Variants in FCF1 observed in about 807,000 individuals in gnomAD.
FCF1 encodes the protein rRNA-processing protein FCF1 homolog.
Under a neutral mutation model 32.5 loss-of-function variants are expected in FCF1, and 17 were observed. The observed-to-expected ratio is 0.52, with a 90% CI of 0.36 to 0.78. The LOEUF (loss-of-function observed/expected upper bound fraction) is 0.78, where lower values mean the gene tolerates loss of function less well. Ranked by LOEUF, FCF1 falls within the 30% of genes least tolerant of loss-of-function variation. The probability of loss-of-function intolerance (pLI) is 0.00; values close to 1 mark genes in which losing one functional copy is unlikely to be tolerated. For missense variants in FCF1, 201 were observed against 241.1 expected, an observed-to-expected ratio of 0.83 and a Z score of 1.10; for synonymous variants, 84 against 78.4, an observed-to-expected ratio of 1.07 and a Z score of -0.38.
At chr14:74,713,368 GA>G in intron 1 of FCF1, 116 bp from the exon 2 acceptor site, 1 of 1,549,396 alleles carries the variant, frequency 6.5e-7, no homozygotes, top group Non-Finnish European at 8.8e-7. Context: ...ACAGAGTGGG[GA>G]AGAGGGTCTG....
rs1428179327 is a variant in FCF1, at chr14:74,719,272, G to A, written c.292+3173G>A. On this transcript the variant is annotated intron_variant, in intron 4 of 7. Transcript: ENST00000341162. ...ATTATGCCACTACACTCCAGCCCAGGCAACAGAGCAAGACCCTGTCTTTAA... is the reference window on the plus strand; with the variant it reads ...ATTATGCCACTACACTCCAGCCCAGACAACAGAGCAAGACCCTGTCTTTAA... 5.3e-5 allele frequency among the ~76,000 whole-genome samples: 8 copies of A among 150,840 alleles called. No homozygotes were observed. In the East Asian group the frequency reaches 1.4e-3, roughly 26 times the overall value.
At position 74,734,941 on chromosome 14, in the gene FCF1, A is replaced by G; in HGVS notation, c.*11A>G. 3 of 1,610,998 alleles carry G rather than the reference A, an allele frequency of 1.9e-6. No homozygotes were observed. The highest frequency in any genetic ancestry group is 2.5e-6 in the Non-Finnish European group (3 of 1,177,250). ...GCCCCTCGATTCTAATTCTTACAAGACACAGTTCCTCTGCCTTTCTTCGAC... is the reference window on the plus strand; with the variant it reads ...GCCCCTCGATTCTAATTCTTACAAGGCACAGTTCCTCTGCCTTTCTTCGAC... On this transcript the variant is annotated 3_prime_UTR_variant, in exon 8 of 8. Transcript: ENST00000341162.
chr14:74,734,279 A>G (rs2090677456), intron 7 of FCF1, 109 bp downstream of exon 7: 2 of 641,908 alleles, frequency 3.1e-6, no homozygotes, highest in Non-Finnish European at 5.4e-6. Flanking sequence ...ATTGTATCAA[A>G]TGTTTACATA....
In FCF1 at chr14:74,735,342, G is replaced by A. The variant is rs1353411095; in HGVS notation, c.*412G>A. On this transcript the variant is annotated 3_prime_UTR_variant, in exon 8 of 8. Transcript: ENST00000341162. ...CAGGGTATTTACAATGCCTGGGAAA[G>A]GAGGAGAGATAAGGCTCACTAGCCA... 2 of 153,892 alleles carry A rather than the reference G, an allele frequency of 1.3e-5. No homozygotes were observed. The highest frequency in any genetic ancestry group is 2.9e-5 in the Non-Finnish European group (2 of 69,262). The allele number at this position is 153,892 out of a possible 1,614,324, so 9.5% of individuals were successfully genotyped here. A position where few individuals can be genotyped will look rare whatever the true frequency, so the allele number is the denominator to read the frequency against.
rs148543389 is a variant in FCF1, at chr14:74,718,238, G to T, written c.292+2139G>T. ...GAAAAGGCCTGTTTGATCTTTACAT[G>T]GTTCCTGGTCTCTTCTATTTCCACT... On this transcript the variant is annotated intron_variant, in intron 4 of 7. Coordinates refer to ENST00000341162, the MANE Select transcript of FCF1 (RefSeq NM_015962.5). Among the ~76,000 whole-genome samples, 597 of 152,236 alleles carry T rather than the reference G, an allele frequency of 3.9e-3. 1 individual carries two copies. Among genetic ancestry groups the T allele is most frequent in the African/African-American group, 6.1e-3 (252 of 41,546 alleles).
chr14:74,723,417 T>C, intron 5 of FCF1, 73 bp downstream of exon 5: 2 of 1,128,788 alleles, frequency 1.8e-6, no homozygotes, highest in East Asian at 2.5e-5. Flanking sequence ...TTTAAAGATT[T>C]CTTGGCCAGT....
intron 5 of FCF1, among the ~76,000 whole-genome samples, chr14:74,723,891 C>T (rs1226514005): frequency 6.6e-6 from 1 of 150,530 alleles, no homozygotes; most frequent in African/African-American, 2.4e-5. Flanking sequence ...TTGTGTATAG[C>T]AAAAGATATC....
chr14:74,734,531 A>AT (rs2090680367), intron 7 of FCF1, among the ~76,000 whole-genome samples: 1 of 151,858 alleles, frequency 6.6e-6, no homozygotes. Flanking sequence ...AAAAAAAAAA[A>AT]AGCTGTTATC....
chr14:74,725,480 CAAAAAAAAAAAAAAAAAAA>C (rs35508938), intron 5 of FCF1, among the ~76,000 whole-genome samples: 3 of 39,968 alleles, frequency 7.5e-5, no homozygotes, highest in African/African-American at 3.4e-4. Context: ...ACCCTGTCTC[CAAAAAAAAAAAAAAAAAAA>C]AAAAAAAAAA....
chr14:74,734,002 G>A (rs543972394), intron 6 of FCF1, 74 bp from the exon 7 acceptor site: 15 of 967,814 alleles, frequency 1.5e-5, no homozygotes, highest in African/African-American at 4.8e-5. Context: ...CTGGTCAGTC[G>A]TTGTGCCATT....
intron 6 of FCF1, among the ~76,000 whole-genome samples, chr14:74,733,340 A>G (rs1015681417): frequency 8.7e-5 from 13 of 149,314 alleles, no homozygotes; most frequent in African/African-American, 2.9e-4. Context: ...GTGCTTTTAT[A>G]AGGGCCTCTC....
chr14:74,733,033 C>T (rs1027177059), intron 6 of FCF1, among the ~76,000 whole-genome samples: 2 of 152,120 alleles, frequency 1.3e-5, no homozygotes, highest in African/African-American at 2.4e-5. Flanking sequence ...ATGGAAAGAG[C>T]ACAGGCTTGG....
At chr14:74,731,867 T>C (rs760379942) in intron 5 of FCF1, among the ~76,000 whole-genome samples, 17 of 152,298 alleles carry the variant, frequency 1.1e-4, no homozygotes, top group Middle Eastern at 3.4e-3. Flanking sequence ...ATCATCACTG[T>C]TAATAGAAAG....
At chr14:74,724,984 G>A (rs2090556252) in intron 5 of FCF1, among the ~76,000 whole-genome samples, 1 of 151,540 alleles carries the variant, frequency 6.6e-6, no homozygotes, top group Admixed American at 6.6e-5. Flanking sequence ...AACTTTTTTC[G>A]CTGTTATATG....
chr14:74,729,065 T>C (rs2090604142), intron 5 of FCF1, among the ~76,000 whole-genome samples: 1 of 152,204 alleles, frequency 6.6e-6, no homozygotes, highest in Non-Finnish European at 1.5e-5. Flanking sequence ...AAAATTCTCT[T>C]TTTTGGTTGT....
At chr14:74,731,252 GTATAGGTAAAAAGATTTT>G (rs957780229) in intron 5 of FCF1, among the ~76,000 whole-genome samples, 1 of 152,160 alleles carries the variant, frequency 6.6e-6, no homozygotes, top group African/African-American at 2.4e-5. Flanking sequence ...CTGGAGGGGG[GTATAGGTAAAAAGATTTT>G]TTTGTCTTAA....
In FCF1 at chr14:74,713,275, C is replaced by T; in HGVS notation, c.3+75C>T. 3.1e-6 allele frequency: 5 copies of T among 1,614,056 alleles called. No homozygotes were observed. The East Asian group carries it at 1.1e-4, about 36-fold the overall frequency. On this transcript the variant is annotated intron_variant, in intron 1 of 7. Coordinates refer to ENST00000341162, the MANE Select transcript of FCF1 (RefSeq NM_015962.5). ...GGAGAAGGAGGTAGTCAGACCGTGG[C>T]CAAATTTCCTTCACATTATCCTAGC...
intron 5 of FCF1, among the ~76,000 whole-genome samples, chr14:74,725,028 C>A (rs1197510261): frequency 6.6e-6 from 1 of 151,368 alleles, no homozygotes; most frequent in African/African-American, 2.4e-5. Flanking sequence ...TGTGTGCATA[C>A]TGTACGCTAG....
In FCF1 at chr14:74,725,901, A is replaced by C. The variant is rs906962643; in HGVS notation, c.365+2557A>C. Among the ~76,000 whole-genome samples, 7 of 150,690 alleles carry C rather than the reference A, an allele frequency of 4.6e-5. No homozygotes were observed. In the East Asian group the frequency reaches 1.4e-3, roughly 30 times the overall value. ...CAGTGAGCCGAGATCGCGCCACTGC[A>C]CTCCAGCCTGGGTGACAGAGCGAGA... is the stretch of plus-strand genomic sequence containing the variant. On this transcript the variant is annotated intron_variant, in intron 5 of 7. Coordinates refer to ENST00000341162, the MANE Select transcript of FCF1 (RefSeq NM_015962.5).
Sources: gnomAD v4.1 joint callset for allele counts (sites outside exome capture counted in the v4.1 genomes callset) on GRCh38, gnomAD v4.1.1 for gene constraint, MANE v1.5 for transcripts, NCBI Gene and HGNC (gene_info 2026-07-23, HGNC 2026-07-21) for gene names.